Variants in NDST4 observed in about 807,000 individuals in gnomAD.
NDST4 encodes N-deacetylase and N-sulfotransferase 4, also known as N-heparan sulfate sulfotransferase 4.
In NDST4, 63 loss-of-function variants were observed where a neutral mutation model predicts 100.8. That is an observed-to-expected ratio of 0.62 (90% CI 0.51 to 0.77). The LOEUF (loss-of-function observed/expected upper bound fraction) is 0.77. NDST4 is among the 30% of genes least tolerant of loss of function. The probability of loss-of-function intolerance (pLI) is 0.00; values close to 1 mark genes in which losing one functional copy is unlikely to be tolerated. For missense variants in NDST4, 943 were observed against 1,018.4 expected, an observed-to-expected ratio of 0.93 and a Z score of 1.01; for synonymous variants, 377 against 361.8, an observed-to-expected ratio of 1.04 and a Z score of -0.48.
intron 2 of NDST4, among the ~76,000 whole-genome samples, chr4:115,051,213 G>A (rs898039902): frequency 2.0e-4 from 31 of 151,976 alleles, no homozygotes; most frequent in African/African-American, 7.5e-4. Flanking sequence ...ATTCTCAACA[G>A]TGGTTCAAAT....
Position 115,016,959 on chromosome 4 carries a change from C to T in NDST4, c.979-39685G>A, listed in dbSNP as rs78434670. On this transcript the variant is annotated intron_variant, in intron 2 of 13. Transcript: ENST00000264363. Reference sequence around the variant, plus strand: ...TAGAAAAAGAACTGTAATAATCATACTTCCTCCTTGTTTTGTTTTGAGTGT... The same window carrying T: ...TAGAAAAAGAACTGTAATAATCATATTTCCTCCTTGTTTTGTTTTGAGTGT... Among the ~76,000 whole-genome samples the T allele has an allele frequency of 5.6e-3, 851 of 151,718 alleles. 10 individuals are homozygous for T. The highest frequency in any genetic ancestry group is 0.02 in the African/African-American group (812 of 41,366).
At chr4:114,948,262 A>C (rs1388459199) in intron 4 of NDST4, among the ~76,000 whole-genome samples, 2 of 151,760 alleles carry the variant, frequency 1.3e-5, no homozygotes, top group Middle Eastern at 3.2e-3. Flanking sequence ...ATCCCTCTGA[A>C]TGTCACTTCC....
intron 1 of NDST4, among the ~76,000 whole-genome samples, chr4:115,105,822 C>T (rs1191408322): frequency 1.3e-5 from 2 of 152,176 alleles, no homozygotes; most frequent in East Asian, 1.9e-4. Context: ...CGTCACATAA[C>T]ATAAAACAAA....
At chr4:115,097,929 T>C (rs536159362) in intron 1 of NDST4, among the ~76,000 whole-genome samples, 2 of 152,318 alleles carry the variant, frequency 1.3e-5, no homozygotes, top group South Asian at 4.1e-4. Context: ...GTGAACCAGA[T>C]ATAAACATGG....
In NDST4 at chr4:114,827,861, C is replaced by A; in HGVS notation, c.2574G>T (p.Gln858His). 1 of 1,612,404 alleles carries A rather than the reference C, an allele frequency of 6.2e-7. No homozygotes were observed. The highest frequency in any genetic ancestry group is 8.5e-7 in the Non-Finnish European group (1 of 1,179,236). Reference protein sequence around the residue: ...ELSKLLHRLGQPLPSWLRQEL... With the variant: ...ELSKLLHRLGHPLPSWLRQEL... The stretch of plus-strand genomic sequence containing the variant: ...CCTGTCTCAGCCACGATGGCAGAGG[C>A]TGTCCCAGTCTGTGTAGCAGTTTGG... Residue 858 changes from glutamine to histidine, a missense_variant, in exon 14 of 14, where the codon CAG becomes CAT. Coordinates refer to ENST00000264363, the MANE Select transcript of NDST4 (RefSeq NM_022569.3).
intron 4 of NDST4, among the ~76,000 whole-genome samples, chr4:114,947,482 T>C (rs1725892284): frequency 1.3e-5 from 2 of 152,086 alleles, no homozygotes; most frequent in Admixed American, 6.5e-5. Context: ...AGAGAGATGT[T>C]TTTATATTTA....
At chr4:115,104,403 A>G (rs1729796328) in intron 1 of NDST4, among the ~76,000 whole-genome samples, 1 of 152,080 alleles carries the variant, frequency 6.6e-6, no homozygotes, top group Admixed American at 6.6e-5. Context: ...ACTTCGGAAT[A>G]AATACTCTCT....
chr4:114,896,714 A>T (rs770596881), intron 6 of NDST4, among the ~76,000 whole-genome samples: 4 of 152,090 alleles, frequency 2.6e-5, no homozygotes, highest in Non-Finnish European at 5.9e-5. Context: ...TATATATGAG[A>T]TGTTCACATT....
Position 114,935,231 on chromosome 4 carries a change from A to T in NDST4, c.1511T>A (p.Leu504His), listed in dbSNP as rs199602486. ...ELDKSIRGGE[L>H]FLTILLNPIS... ...TGGGTTTAGAAGGATTGTGAGAAAA[A>T]GTTCACCTCCTCTGATACTTTTATC... The change falls in exon 6 of 14, where the codon CTT becomes CAT. Residue 504 changes from leucine to histidine, a missense_variant. Physicochemically the swap from Leu to His is moderately conservative, Grantham distance 99. Transcript: ENST00000264363. 1 of 1,608,194 alleles carries T rather than the reference A, an allele frequency of 6.2e-7. No homozygotes were observed. The highest frequency in any genetic ancestry group is 1.3e-5 in the African/African-American group (1 of 74,694).
intron 6 of NDST4, among the ~76,000 whole-genome samples, chr4:114,903,616 T>G (rs1724891567): frequency 6.6e-6 from 1 of 152,042 alleles, no homozygotes; most frequent in Non-Finnish European, 1.5e-5. Context: ...CCCTGTGACT[T>G]CACTTCTCCT....
chr4:115,048,522 A>ATGCC (rs1728512509), intron 2 of NDST4, among the ~76,000 whole-genome samples: 1 of 152,166 alleles, frequency 6.6e-6, no homozygotes, highest in Non-Finnish European at 1.5e-5. Context: ...ACTATTAGTA[A>ATGCC]TGCCACCTCA....
At chr4:114,970,398 G>T (rs771575973) in intron 4 of NDST4, 32 bp downstream of exon 4, 9 of 1,589,816 alleles carry the variant, frequency 5.7e-6, no homozygotes, top group Non-Finnish European at 6.0e-6. Flanking sequence ...ACAACTTATA[G>T]TTCAAAAGAT....
chr4:114,867,666 A>AAAAAAAAAAAAAAAAAAAAAAAAAG (rs1560786342), intron 7 of NDST4, among the ~76,000 whole-genome samples: 1 of 16,892 alleles, frequency 5.9e-5, no homozygotes, highest in Non-Finnish European at 1.3e-4. Flanking sequence ...AAAAAAAAGC[A>AAAAAAAAAAAAAAAAAAAAAAAAAG]AAAAAAAAAA....
intron 4 of NDST4, among the ~76,000 whole-genome samples, chr4:114,943,055 A>T (rs1725784230): frequency 6.8e-6 from 1 of 147,246 alleles, no homozygotes; most frequent in Non-Finnish European, 1.5e-5. Flanking sequence ...TGATATATAC[A>T]TATATTAATT....
chr4:114,872,233 T>C (rs1724163768), intron 6 of NDST4, among the ~76,000 whole-genome samples: 1 of 152,116 alleles, frequency 6.6e-6, no homozygotes, highest in South Asian at 2.1e-4. Flanking sequence ...GCCTTTTATC[T>C]TAAAAAATAA....
intron 6 of NDST4, among the ~76,000 whole-genome samples, chr4:114,914,607 A>G (rs761156599): frequency 2.8e-4 from 43 of 152,148 alleles, no homozygotes; most frequent in Non-Finnish European, 5.6e-4. Context: ...TGTGTAGACT[A>G]TGGGGAACAT....
chr4:115,056,250 G>A (rs1728691345), intron 2 of NDST4, among the ~76,000 whole-genome samples: 1 of 151,976 alleles, frequency 6.6e-6, no homozygotes, highest in Non-Finnish European at 1.5e-5. Context: ...TACTTGGGAG[G>A]CTGAGTTAGG....
intron 1 of NDST4, among the ~76,000 whole-genome samples, chr4:115,087,497 AT>A (rs531049031): frequency 4.6e-5 from 7 of 151,372 alleles, no homozygotes; most frequent in African/African-American, 9.7e-5. Context: ...CTTCTCTAGA[AT>A]TTTTTTCTTT....
chr4:114,875,736 A>G (rs1003050719), intron 6 of NDST4, among the ~76,000 whole-genome samples: 2 of 152,184 alleles, frequency 1.3e-5, no homozygotes, highest in Non-Finnish European at 2.9e-5. Context: ...GAAGAGAAGA[A>G]AAAAGGAAAG....
Sources: allele counts gnomAD v4.1 joint callset (sites outside exome capture counted in the v4.1 genomes callset), GRCh38; gene constraint gnomAD v4.1.1; transcripts MANE v1.5; gene names NCBI Gene and HGNC (gene_info 2026-07-23, HGNC 2026-07-21).